Variants in BCL7C observed in about 807,000 individuals in gnomAD.
The protein encoded by BCL7C is BAF chromatin remodeling complex subunit BCL7C, also known as B-cell CLL/lymphoma 7 protein family member C.
BCL7C carries 8 observed loss-of-function variants against 26.2 expected under a neutral mutation model. The observed-to-expected ratio is 0.30, with a 90% CI of 0.18 to 0.55. The LOEUF is 0.55. Ranked by LOEUF, BCL7C falls within the 20% of genes least tolerant of loss-of-function variation. BCL7C has a pLI of 0.93. For synonymous variants in BCL7C, 90 were observed against 116.5 expected (o/e 0.77, Z 1.47); for missense variants, 262 against 298.5 (o/e 0.88, Z 0.90).
intron 5 of BCL7C, chr16:30,852,168 T>A (rs539545113): frequency 6.4e-6 from 1 of 156,754 alleles, no homozygotes; most frequent in South Asian, 1.9e-4. Context: ...TTTGCAAAAC[T>A]TCTTGAACCA....
intron 5 of BCL7C, among the ~76,000 whole-genome samples, chr16:30,839,571 GCATTTAAGC>G (rs2054589388): frequency 1.3e-5 from 2 of 151,642 alleles, no homozygotes; most frequent in Admixed American, 6.6e-5. Flanking sequence ...GTTATGAGGG[GCATTTAAGC>G]CATTGCTGAC....
At chr16:30,841,382 T>A (rs2054600895) in intron 5 of BCL7C, among the ~76,000 whole-genome samples, 1 of 152,170 alleles carries the variant, frequency 6.6e-6, no homozygotes. Context: ...CAACTCAGCA[T>A]TCCACTGGAG....
chr16:30,868,074 G>A (rs67264578), intron 5 of BCL7C, among the ~76,000 whole-genome samples: 37,085 of 150,888 alleles, frequency 0.25, 5,239 homozygotes, highest in South Asian at 0.68. Context: ...TTTTAGCCCA[G>A]TGAGACTCAT....
At chr16:30,891,250 G>A (rs1412887751) in intron 4 of BCL7C, among the ~76,000 whole-genome samples, 1 of 151,206 alleles carries the variant, frequency 6.6e-6, no homozygotes, top group Non-Finnish European at 1.5e-5. Flanking sequence ...ATCACCTGAG[G>A]TCAGGCGTTT....
chr16:30,882,362 G>C (rs1356544627), intron 5 of BCL7C, among the ~76,000 whole-genome samples: 1 of 152,114 alleles, frequency 6.6e-6, no homozygotes, highest in African/African-American at 2.4e-5. Context: ...TGCCCTCCTG[G>C]GGCTTGCAGG....
At chr16:30,878,613 G>T (rs2054991212) in intron 5 of BCL7C, among the ~76,000 whole-genome samples, 1 of 151,924 alleles carries the variant, frequency 6.6e-6, no homozygotes, top group Admixed American at 6.6e-5. Context: ...GGGAGGCCGA[G>T]GTGGGTGGAT....
chr16:30,892,716 T>G lies in BCL7C; in HGVS notation c.312A>C (p.Glu104Asp). The change falls in exon 4 of 6, where the codon GAA becomes GAC. Residue 104 changes from glutamate to aspartate, a missense_variant. Transcript: ENST00000215115. Reference sequence around the variant, plus strand: ...GCTCTGTGCCCTTTTGCAGGGAACCTTCCGAATGGAAACTCTGGTTGCTGT... The same window carrying G: ...GCTCTGTGCCCTTTTGCAGGGAACCGTCCGAATGGAAACTCTGGTTGCTGT... ...DENSNQSFHS[E>D]GSLQKGTEPS... 6.2e-7 allele frequency: 1 copy of G among 1,614,130 alleles called. No individual in the cohort carries two copies. The highest frequency in any genetic ancestry group is 8.5e-7 in the Non-Finnish European group (1 of 1,180,000).
chr16:30,889,925 CAAA>C (rs1182126462), intron 4 of BCL7C, among the ~76,000 whole-genome samples: 21 of 53,224 alleles, frequency 3.9e-4, no homozygotes, highest in Admixed American at 6.6e-4. Flanking sequence ...GACCTTGTCT[CAAA>C]AAAAAAAAAA....
Position 30,887,873 on chromosome 16 carries a change from CAG to C in BCL7C, c.644_645del (p.Pro215ArgfsTer22). 1 of 1,589,366 alleles carries C rather than the reference CAG, an allele frequency of 6.3e-7. No homozygotes were observed. Among genetic ancestry groups the C allele is most frequent in the Admixed American group, 1.8e-5 (1 of 55,950 alleles). On this transcript the variant is annotated frameshift_variant, in exon 6 of 6. Coordinates refer to ENST00000215115, the MANE Select transcript of BCL7C (RefSeq NM_004765.4). LOFTEE classifies it high-confidence loss of function. ...ACAGGCAGGCCGGCTTCTCAGGGGT[CAG>C]GGGCATTTGGGCAGATGCGCTTGAG... ...PPLKRICPNA[P>X]DP
intron 5 of BCL7C, among the ~76,000 whole-genome samples, chr16:30,844,085 C>T (rs1461088504): frequency 1.4e-5 from 2 of 143,330 alleles, no homozygotes; most frequent in Non-Finnish European, 3.0e-5. Flanking sequence ...GGCGTGGTGG[C>T]TCATGCCTAT....
chr16:30,857,557 T>G (rs1365989471), intron 5 of BCL7C, among the ~76,000 whole-genome samples: 1 of 152,136 alleles, frequency 6.6e-6, no homozygotes, highest in African/African-American at 2.4e-5. Flanking sequence ...CTCTTAGTTG[T>G]GAGGCTCTTA....
intron 5 of BCL7C, among the ~76,000 whole-genome samples, chr16:30,849,703 G>A (rs1262191239): frequency 3.3e-5 from 5 of 151,258 alleles, no homozygotes; most frequent in South Asian, 4.2e-4. Flanking sequence ...TGCCTGCCTC[G>A]GCCTCCCAAA....
intron 5 of BCL7C, among the ~76,000 whole-genome samples, chr16:30,869,509 CTTT>C (rs66513735): frequency 1.8e-4 from 25 of 135,288 alleles, no homozygotes; most frequent in Admixed American, 2.2e-4. Context: ...CTGGCTCTTT[CTTT>C]TTTTTTTTTT....
At chr16:30,862,178 C>T (rs1203556932) in intron 5 of BCL7C, among the ~76,000 whole-genome samples, 1 of 152,124 alleles carries the variant, frequency 6.6e-6, no homozygotes, top group Non-Finnish European at 1.5e-5. Flanking sequence ...TTATCCCCAC[C>T]TGCCCAGCTC....
chr16:30,847,475 G>A (rs2054643078), intron 5 of BCL7C, among the ~76,000 whole-genome samples: 1 of 152,150 alleles, frequency 6.6e-6, no homozygotes, highest in African/African-American at 2.4e-5. Flanking sequence ...CAACCTATCT[G>A]TTGCCAGTAG....
In BCL7C at chr16:30,834,652, A is replaced by G; in HGVS notation, c.*296T>C. 1 of 254,424 alleles carries G rather than the reference A, an allele frequency of 3.9e-6. No individual in the cohort carries two copies. Among genetic ancestry groups the G allele is most frequent in the Non-Finnish European group, 7.5e-6 (1 of 132,840 alleles). 15.8% of individuals were successfully genotyped at this position (254,424 alleles called of 1,614,324 possible). A position where few individuals can be genotyped will look rare whatever the true frequency, so the allele number is the denominator to read the frequency against. On this transcript the variant is annotated 3_prime_UTR_variant, in exon 6 of 6. Transcript: ENST00000380317. This position sits in a 1 kb window ranked among gnomAD's most constrained non-coding sequence, Gnocchi z 4.3. Reference sequence around the variant, plus strand: ...GGGAGGGTGGCCGCATGGGTGCGTGAGGAGGTGGGCGAGGCAGCCCAGTGC... The same window carrying G: ...GGGAGGGTGGCCGCATGGGTGCGTGGGGAGGTGGGCGAGGCAGCCCAGTGC...
intron 5 of BCL7C, among the ~76,000 whole-genome samples, chr16:30,844,013 G>A (rs1040470837): frequency 1.6e-5 from 2 of 126,586 alleles, no homozygotes; most frequent in African/African-American, 6.4e-5. Flanking sequence ...TTGCACTCCA[G>A]CTTTGGCGAC....
intron 5 of BCL7C, among the ~76,000 whole-genome samples, chr16:30,837,704 T>C (rs1567306387): frequency 1.3e-5 from 2 of 152,132 alleles, no homozygotes; most frequent in South Asian, 2.1e-4. Flanking sequence ...GCCTGCAGCA[T>C]AGGACATGAT....
intron 5 of BCL7C, among the ~76,000 whole-genome samples, chr16:30,879,329 T>A (rs1162114379): frequency 2.6e-5 from 4 of 152,090 alleles, no homozygotes; most frequent in African/African-American, 9.7e-5. Flanking sequence ...TGTGGTGCAT[T>A]CACCTGAGTC....
Sources: gnomAD v4.1 joint callset for allele counts (sites outside exome capture counted in the v4.1 genomes callset) on GRCh38, gnomAD v4.1.1 for gene constraint, Gnocchi (gnomAD v3.1) non-coding constraint, MANE v1.5 for transcripts, NCBI Gene and HGNC (gene_info 2026-07-23, HGNC 2026-07-21) for gene names.